ADAMTSL2: variants seen among roughly 807,000 people sequenced by gnomAD.
ADAMTSL2 encodes ADAMTS like 2, also known as ADAMTS-like protein 2.
Under a neutral mutation model 117.0 loss-of-function variants are expected in ADAMTSL2, and 55 were observed. The ratio of observed to expected loss-of-function variants is 0.47; its 90% confidence interval spans 0.38 to 0.59. The LOEUF (loss-of-function observed/expected upper bound fraction) is 0.59. Ranked by LOEUF, ADAMTSL2 falls within the 20% of genes least tolerant of loss-of-function variation. The probability of loss-of-function intolerance (pLI) is 0.00; values close to 1 mark genes in which losing one functional copy is unlikely to be tolerated. For missense variants in ADAMTSL2, 1,182 were observed against 1,354.5 expected (o/e 0.87, Z 2.00); for synonymous variants, 572 against 566.4 (o/e 1.01, Z -0.14).
At chr9:133,555,120 G>A (rs1830575767) in intron 10 of ADAMTSL2, among the ~76,000 whole-genome samples, 2 of 152,102 alleles carry the variant, frequency 1.3e-5, no homozygotes, top group Admixed American at 6.5e-5. Flanking sequence ...CTGTGACCGT[G>A]TCACTCCAGC....
rs114227331 is a variant in ADAMTSL2 at position 133,542,209 on chromosome 9, T to A, written c.682+1208T>A. On this transcript the variant is annotated intron_variant, in intron 7 of 18. Transcript: ENST00000651351. ...GGAGGGCACTGGAGAGGGTGGGGCT[T>A]GGACATGGGACCTAGGGACGGGCGT... Among the ~76,000 whole-genome samples the A allele has an allele frequency of 2.8e-3, 420 of 152,238 alleles. 2 individuals are homozygous for A. The highest frequency in any genetic ancestry group is 9.7e-3 in the African/African-American group (405 of 41,552).
Position 133,540,820 on chromosome 9 carries a change from G to T in ADAMTSL2, c.559-58G>T, listed in dbSNP as rs2131101604. ...CGCCCGCCTGTGGGAGGCAGTGGCG[G>T]CCCCGGGGCCTGGCCACAGCGCCCT... On this transcript the variant is annotated intron_variant, in intron 6 of 18. Coordinates refer to ENST00000651351, the MANE Select transcript of ADAMTSL2 (RefSeq NM_014694.4). 3 of 1,613,142 alleles carry T rather than the reference G, an allele frequency of 1.9e-6. No homozygotes were observed. In the African/African-American group the frequency reaches 4.0e-5, roughly 21 times the overall value.
Position 133,554,417 on chromosome 9 carries a change from C to A in ADAMTSL2, c.1000C>A (p.Pro334Thr), listed in dbSNP as rs984831879. ...CTTCGAGTACACGCTGCTGCAGCCG[C>A]CACACGAGAGCCGCCCCCAGCCCAT... ...ITFEYTLLQP[P>T]HESRPQPIYY... The change falls in exon 10 of 19, where the codon CCA becomes ACA. Residue 334 changes from proline to threonine, a missense_variant. By Grantham distance (38) the Pro-to-Thr change is conservative. Around this residue, in one of 3 missense-constraint regions of ADAMTSL2, gnomAD observed 345 missense variants for 325.8 expected, o/e 1.06. Transcript: ENST00000651351. The surrounding 1 kb of genome is among the most constrained non-coding windows in gnomAD (Gnocchi z 5.2). 8 of 1,566,708 alleles carry A rather than the reference C, an allele frequency of 5.1e-6. No individual in the cohort carries two copies. In the South Asian group the frequency reaches 8.2e-5, roughly 16 times the overall value.
In ADAMTSL2 at chr9:133,547,028, GC is replaced by G. The variant is rs1830365878; in HGVS notation, c.764-7del. On this transcript the variant is annotated splice_polypyrimidine_tract_variant and intron_variant, in intron 8 of 18. Transcript: ENST00000651351. ...TTGGCCTTTTGTGACCGGCGGCTTT[GC>G]CCTTCCAGCTCTTGCAGACGAAGCT... 1 of 1,613,492 alleles carries G rather than the reference GC, an allele frequency of 6.2e-7. No individual in the cohort carries two copies. The highest frequency in any genetic ancestry group is 1.3e-5 in the African/African-American group (1 of 74,910).
chr9:133,536,287 C>T (rs1040213327), intron 1 of ADAMTSL2, among the ~76,000 whole-genome samples: 1 of 152,230 alleles, frequency 6.6e-6, no homozygotes, highest in East Asian at 1.9e-4. Flanking sequence ...TGGACTGAGC[C>T]CAGGCCCATC....
intron 1 of ADAMTSL2, 84 bp from the exon 2 acceptor site, chr9:133,536,479 G>T: frequency 6.8e-7 from 1 of 1,475,948 alleles, no homozygotes; most frequent in Non-Finnish European, 9.0e-7. Flanking sequence ...TGGGTGTCTT[G>T]CCTGAAGCAG....
At chr9:133,571,841 C>T (rs1274894870) in intron 17 of ADAMTSL2, among the ~76,000 whole-genome samples, 4 of 152,324 alleles carry the variant, frequency 2.6e-5, no homozygotes, top group African/African-American at 9.6e-5. Flanking sequence ...CCAGCTACCT[C>T]TGCCCTCAGT....
At position 133,536,708 on chromosome 9, in the gene ADAMTSL2, C is replaced by T. The variant is rs1342756627; in HGVS notation, c.-5C>T. On this transcript the variant is annotated 5_prime_UTR_variant, in exon 2 of 19. Coordinates refer to ENST00000651351, the MANE Select transcript of ADAMTSL2 (RefSeq NM_014694.4). ...CTGGTGGTGACAGTGGCCTTGCTTCCTAGGATGGATGGCAGATGGCAATGT... is the reference window on the plus strand; with the variant it reads ...CTGGTGGTGACAGTGGCCTTGCTTCTTAGGATGGATGGCAGATGGCAATGT... 6.2e-7 allele frequency: 1 copy of T among 1,614,156 alleles called. No homozygotes were observed. Among genetic ancestry groups the T allele is most frequent in the Admixed American group, 1.7e-5 (1 of 60,028 alleles).
At chr9:133,551,431 G>A (rs569787731) in intron 9 of ADAMTSL2, among the ~76,000 whole-genome samples, 8 of 152,286 alleles carry the variant, frequency 5.3e-5, no homozygotes, top group African/African-American at 1.9e-4. Flanking sequence ...TAGTCCTGGT[G>A]TAACACTTCC....
intron 8 of ADAMTSL2, among the ~76,000 whole-genome samples, chr9:133,545,570 C>T (rs949815065): frequency 1.3e-5 from 2 of 152,224 alleles, no homozygotes; most frequent in Admixed American, 6.5e-5. Context: ...CACCACCCAG[C>T]GCCCTGGGGG....
intron 5 of ADAMTSL2, among the ~76,000 whole-genome samples, chr9:133,540,138 C>T (rs1830179808): frequency 1.3e-5 from 2 of 152,330 alleles, no homozygotes; most frequent in South Asian, 4.1e-4. Flanking sequence ...GACTTGCTCA[C>T]TTACTTACTG....
At chr9:133,569,214 T>C (rs1047407748) in intron 15 of ADAMTSL2, among the ~76,000 whole-genome samples, 194 bp from the exon 16 acceptor site, 2 of 152,174 alleles carry the variant, frequency 1.3e-5, no homozygotes, top group African/African-American at 2.4e-5. Context: ...AGTGTGCTTT[T>C]CTCTGTGTGC....
At chr9:133,533,524 A>C (rs116597132), upstream of ADAMTSL2, among the ~76,000 whole-genome samples, 754 of 152,286 alleles carry the variant, frequency 5.0e-3, 7 homozygotes, top group African/African-American at 0.018. Context: ...CAGATCATAA[A>C]GGTGGATCTG....
chr9:133,534,233 G>C (rs72779235), upstream of ADAMTSL2: 713 of 153,192 alleles, frequency 4.7e-3, 4 homozygotes, highest in Non-Finnish European at 7.7e-3. Flanking sequence ...CATCTCGGGA[G>C]CTTTCTGAGG....
At chr9:133,555,408 C>T (rs112469057) in intron 10 of ADAMTSL2, 150 bp from the exon 11 acceptor site, 8 of 947,686 alleles carry the variant, frequency 8.4e-6, no homozygotes, top group East Asian at 2.5e-5. Context: ...GCCCGAATTA[C>T]GTCCTCTAGT....
At chr9:133,543,017 C>T (rs1345648801) in intron 7 of ADAMTSL2, among the ~76,000 whole-genome samples, 2 of 151,860 alleles carry the variant, frequency 1.3e-5, no homozygotes, top group African/African-American at 2.4e-5. Context: ...GATGCGATCT[C>T]GGCTTTCTGC....
chr9:133,552,108 G>A (rs1198070046), intron 9 of ADAMTSL2, among the ~76,000 whole-genome samples: 7 of 152,206 alleles, frequency 4.6e-5, no homozygotes, highest in African/African-American at 4.8e-5. Flanking sequence ...GATTACAGGC[G>A]TGAGCCACCG....
At chr9:133,568,209 T>G (rs1162979831) in intron 13 of ADAMTSL2, 64 bp from the exon 14 acceptor site, 3 of 1,499,114 alleles carry the variant, frequency 2.0e-6, no homozygotes, top group Non-Finnish European at 2.7e-6. Context: ...TCTGGGGGTG[T>G]GGGTTGCATG....
chr9:133,547,368 C>T (rs1432312473), intron 9 of ADAMTSL2, among the ~76,000 whole-genome samples, 155 bp downstream of exon 9: 2 of 152,236 alleles, frequency 1.3e-5, no homozygotes, highest in Non-Finnish European at 2.9e-5. Flanking sequence ...TGGGGCTTCA[C>T]GTTCAATCAC....
Sources: allele counts gnomAD v4.1 joint callset (sites outside exome capture counted in the v4.1 genomes callset), GRCh38; gene constraint gnomAD v4.1.1; regional missense constraint gnomAD v4.1.1; non-coding constraint Gnocchi (gnomAD v3.1); transcripts MANE v1.5; gene names NCBI Gene and HGNC (gene_info 2026-07-23, HGNC 2026-07-21).